The following DENND4B variants were observed in gnomAD, a reference collection of about 807,000 sequenced individuals.
DENND4B encodes the protein DENN domain containing 4B.
A neutral mutation model predicts 161.0 loss-of-function variants in DENND4B; 67 were observed. The ratio of observed to expected loss-of-function variants is 0.42; its 90% CI spans 0.34 to 0.51. The LOEUF is 0.51. Among genes scored for constraint, DENND4B ranks in the 20% least tolerant of loss-of-function variants. The pLI is 0.08. For synonymous variants in DENND4B, 753 were observed against 813.8 expected (o/e 0.93, Z 1.27); for missense variants, 1,481 against 1,968.0 (o/e 0.75, Z 4.68).
At chr1:153,931,959 A>G (rs1053240275) in intron 24 of DENND4B, among the ~76,000 whole-genome samples, 8 of 151,672 alleles carry the variant, frequency 5.3e-5, no homozygotes, top group African/African-American at 1.9e-4. Context: ...ATGCACCACC[A>G]AGCCTGGCTA....
Position 153,934,875 on chromosome 1 carries a change from C to G in DENND4B, c.2658G>C (p.Gln886His), listed in dbSNP as rs757802791. 6.2e-7 allele frequency: 1 copy of G among 1,613,608 alleles called. No homozygotes were observed. Among genetic ancestry groups the G allele is most frequent in the African/African-American group, 1.3e-5 (1 of 74,936 alleles). ...GCCGTTCTCTCAAGGGCTGGCGGAA[C>G]TGAGCAGCCCCCAGGACAACATTCC... ...KLRNVVLGAA[Q>H]FRQPLRERQQ... The change falls in exon 18 of 28, where the codon CAG (glutamine) becomes CAC (histidine). Residue 886 changes from glutamine (Q) to histidine (H), a missense_variant. Gln to His is a conservative substitution (Grantham distance 24, BLOSUM62 0). This residue lies in a region of DENND4B where 339 missense variants were observed against 330.3 expected (regional missense o/e 1.03). Transcript: ENST00000361217. This position sits in a 1 kb window ranked among gnomAD's most constrained non-coding sequence, Gnocchi z 5.3.
chr1:153,944,179 T>A lies in DENND4B; in HGVS notation c.196A>T (p.Thr66Ser). Reference sequence around the variant, plus strand: ...CCCCCAGCAGAAGCCTGGATGCATGTGTAGCCCTGGGGCACTTCCTCGCCC... The same window carrying A: ...CCCCCAGCAGAAGCCTGGATGCATGAGTAGCCCTGGGGCACTTCCTCGCCC... ...ALGEEVPQGY[T>S]CIQASAGGHP... The change falls in exon 2 of 28, where the codon ACA becomes TCA. Residue 66 changes from threonine (T) to serine (S), a missense_variant. Transcript: ENST00000361217. This position sits in a 1 kb window ranked among gnomAD's most constrained non-coding sequence, Gnocchi z 4.8. The A allele has an allele frequency of 6.2e-7, 1 of 1,612,898 alleles. No homozygotes were observed. Among genetic ancestry groups the A allele is most frequent in the Non-Finnish European group, 8.5e-7 (1 of 1,179,450 alleles).
Position 153,946,416 on chromosome 1 carries a change from C to T in DENND4B, c.-139G>A. 2.6e-6 allele frequency: 1 copy of T among 386,122 alleles called. No individual in the cohort carries two copies. Among genetic ancestry groups the T allele is most frequent in the Non-Finnish European group, 4.6e-6 (1 of 217,948 alleles). The allele number at this position is 386,122 out of a possible 1,614,324, so 23.9% of individuals were successfully genotyped here. ...AGACATGGCGCACCCGACTTGGGCG[C>T]CGCTCCCGCCCGGGCAGTGAGTGAA... On this transcript the variant is annotated 5_prime_UTR_variant, in exon 1 of 28. Transcript: ENST00000361217. This position sits in a 1 kb window ranked among gnomAD's most constrained non-coding sequence, Gnocchi z 6.3.
Position 153,934,002 on chromosome 1 carries a change from G to A in DENND4B, c.2942-131C>T, listed in dbSNP as rs1013389199. 4.5e-5 allele frequency: 67 copies of A among 1,482,636 alleles called. No homozygotes were observed. Among genetic ancestry groups the A allele is most frequent in the Middle Eastern group, 1.9e-4 (1 of 5,290 alleles). 91.8% of individuals were successfully genotyped at this position (1,482,636 alleles called of 1,614,324 possible). A position where few individuals can be genotyped will look rare whatever the true frequency, so the allele number is the denominator to read the frequency against. ...CCCCCACCATGATGATATTCTGGGCGAGATTCCCTCAGAATCTACAGCACC... is the reference window on the plus strand; with the variant it reads ...CCCCCACCATGATGATATTCTGGGCAAGATTCCCTCAGAATCTACAGCACC... On this transcript the variant is annotated intron_variant, in intron 19 of 27. Coordinates refer to ENST00000361217, the MANE Select transcript of DENND4B (RefSeq NM_014856.3). This position sits in a 1 kb window ranked among gnomAD's most constrained non-coding sequence, Gnocchi z 5.3.
Position 153,941,935 on chromosome 1 carries a change from A to C in DENND4B, c.989T>G (p.Phe330Cys). The change falls in exon 6 of 28, where the codon TTC becomes TGC. Residue 330 changes from phenylalanine (F) to cysteine (C), a missense_variant. Coordinates refer to ENST00000361217, the MANE Select transcript of DENND4B (RefSeq NM_014856.3). ...VLSRWPAFPAFRAFLTFLYRY... is the reference protein window; with the variant it reads ...VLSRWPAFPACRAFLTFLYRY... ...GTAAAGGAAGGTGAGGAAGGCGCGG[A>C]AGGCAGGGAAGGCAGGCCAGCGGGA... 6.2e-7 allele frequency: 1 copy of C among 1,612,348 alleles called. No individual in the cohort carries two copies. Among genetic ancestry groups the C allele is most frequent in the Admixed American group, 1.7e-5 (1 of 60,026 alleles).
rs1453179629 is a variant in DENND4B, at chr1:153,940,241, C to T, written c.1518G>A (p.Lys506=). The T allele has an allele frequency of 2.5e-6, 4 of 1,599,746 alleles. No homozygotes were observed. In the East Asian group the frequency reaches 6.7e-5, roughly 27 times the overall value. ...TNTLFQTEEK[K]LLSPRTLPRR... ...GGGGCAGGGTCCGAGGGGAGAGGAG[C>T]TTCTTTTCCTCAGTCCTGTGAGAAA... is the stretch of plus-strand genomic sequence containing the variant. Residue 506 remains lysine, a synonymous_variant, in exon 11 of 28, where the codon AAG becomes AAA. Transcript: ENST00000361217. The surrounding 1 kb of genome is among the most constrained non-coding windows in gnomAD (Gnocchi z 5.6).
Position 153,930,118 on chromosome 1 carries a change from G to T in DENND4B, c.*179C>A. The T allele has an allele frequency of 1.2e-6, 1 of 833,880 alleles. No individual in the cohort carries two copies. Among genetic ancestry groups the T allele is most frequent in the Non-Finnish European group, 1.8e-6 (1 of 551,684 alleles). The allele number at this position is 833,880 out of a possible 1,614,324, so 51.7% of individuals were successfully genotyped here. ...CAAACTGGGTAGGTTGGTGATGGGG[G>T]AATCAGGACTTTTGGTAACAGTGGA... On this transcript the variant is annotated 3_prime_UTR_variant, in exon 28 of 28. Transcript: ENST00000361217. The surrounding 1 kb of genome is among the most constrained non-coding windows in gnomAD (Gnocchi z 4.7).
chr1:153,939,580 C>T lies in DENND4B; in HGVS notation c.1819+9G>A. ...GATACATCTCCAAGCAGAGACAGGC[C>T]CTCTATACCCTGCAGGAAGAAAAGG... On this transcript the variant is annotated intron_variant, in intron 12 of 27. Transcript: ENST00000361217. The T allele has an allele frequency of 6.2e-7, 1 of 1,600,510 alleles. No homozygotes were observed. Among genetic ancestry groups the T allele is most frequent in the African/African-American group, 1.3e-5 (1 of 74,750 alleles).
In DENND4B at chr1:153,930,293, G is replaced by A; in HGVS notation, c.*4C>T. 3.1e-6 allele frequency: 5 copies of A among 1,612,734 alleles called. No homozygotes were observed. Among genetic ancestry groups the A allele is most frequent in the Non-Finnish European group, 3.4e-6 (4 of 1,178,908 alleles). ...CCTAGGCTGGAGAGGGAAGCTTAAG[G>A]TCTCTAGCATTCTGGAGGTGCTCCA... On this transcript the variant is annotated 3_prime_UTR_variant, in exon 28 of 28. Transcript: ENST00000361217. The surrounding 1 kb of genome is among the most constrained non-coding windows in gnomAD (Gnocchi z 4.7).
chr1:153,938,319 G>C (rs1446047019), intron 13 of DENND4B, among the ~76,000 whole-genome samples: 1 of 151,468 alleles, frequency 6.6e-6, no homozygotes, highest in Non-Finnish European at 1.5e-5. Context: ...TGAGGCAGGA[G>C]AATCACTTGA....
rs1399355096 is a variant in DENND4B at position 153,936,616 on chromosome 1, G to A, written c.2365C>T (p.Arg789Ter). The A allele has an allele frequency of 2.5e-6, 4 of 1,612,970 alleles. No individual in the cohort carries two copies. Among genetic ancestry groups the A allele is most frequent in the Admixed American group, 1.7e-5 (1 of 59,900 alleles). The change falls in exon 16 of 28, where the codon CGA (arginine) becomes TGA (stop). Residue 789 changes from arginine (R) to a stop codon, truncating the protein, a stop_gained. Transcript: ENST00000361217. LOFTEE classifies it high-confidence loss of function. The surrounding 1 kb of genome is among the most constrained non-coding windows in gnomAD (Gnocchi z 4.1). Reference protein sequence around the residue: ...LPAYVRSAPSRVQALHTAYHV... With the variant: ...LPAYVRSAPS ...TAGGCTGTGTGCAGTGCCTGCACTC[G>A]GGAGGGTGCCGACCGCACATAGGCA...
In DENND4B at chr1:153,942,047, G is replaced by A. The variant is rs750388751; in HGVS notation, c.877C>T (p.Arg293Trp). The change falls in exon 6 of 28, where the codon CGG becomes TGG. Residue 293 changes from arginine to tryptophan, a missense_variant. This residue lies in a region of DENND4B where 806 missense variants were observed against 1,134.4 expected (regional missense o/e 0.71). Transcript: ENST00000361217. This position sits in a 1 kb window ranked among gnomAD's most constrained non-coding sequence, Gnocchi z 6.9. ...PRARLSERQA[R>W]ALGLLSAVER... ...ACGGCGCTCAGCAGGCCCAGTGCCC[G>A]TGCCTGTCGCTCTGATAGCCTGGCC... 27 of 1,611,500 alleles carry A rather than the reference G, an allele frequency of 1.7e-5. No homozygotes were observed. The highest frequency in any genetic ancestry group is 2.1e-5 in the Non-Finnish European group (25 of 1,178,950).
In DENND4B at chr1:153,943,216, C is replaced by T. The variant is rs994609142; in HGVS notation, c.318-86G>A. On this transcript the variant is annotated intron_variant, in intron 2 of 27. Coordinates refer to ENST00000361217, the MANE Select transcript of DENND4B (RefSeq NM_014856.3). ...CTGCCAGATCTGCCTATCTAATCCC[C>T]TGAACTTGCCTTGTACCCACAGCCT... 2.0e-6 allele frequency: 3 copies of T among 1,521,724 alleles called. No individual in the cohort carries two copies. The Admixed American group carries it at 6.0e-5, about 30-fold the overall frequency. 94.3% of individuals were successfully genotyped at this position (1,521,724 alleles called of 1,614,324 possible). A position where few individuals can be genotyped will look rare whatever the true frequency, so the allele number is the denominator to read the frequency against.
chr1:153,939,812 C>A lies in DENND4B; in HGVS notation c.1604-8G>T. ...CCTCAGGTCCAGTGTATGCTGGAGGCCAGGGCAGCCTAAGAGTCAGGGCTG... is the reference window on the plus strand; with the variant it reads ...CCTCAGGTCCAGTGTATGCTGGAGGACAGGGCAGCCTAAGAGTCAGGGCTG... On this transcript the variant is annotated splice_region_variant and splice_polypyrimidine_tract_variant and intron_variant, in intron 11 of 27. Transcript: ENST00000361217. 1.2e-6 allele frequency: 2 copies of A among 1,612,742 alleles called. No individual in the cohort carries two copies. Among genetic ancestry groups the A allele is most frequent in the South Asian group, 1.1e-5 (1 of 91,042 alleles).
chr1:153,937,968 G>T lies in DENND4B; in HGVS notation c.1966-105C>A. ...CCAGGAAAGCTCATCCACAAGGAAA[G>T]AGACACAGCCTGGGAAGATGGCGTC... On this transcript the variant is annotated intron_variant, in intron 13 of 27. Transcript: ENST00000361217. This position sits in a 1 kb window ranked among gnomAD's most constrained non-coding sequence, Gnocchi z 4.7. 1.3e-6 allele frequency: 2 copies of T among 1,519,688 alleles called. No individual in the cohort carries two copies. The highest frequency in any genetic ancestry group is 1.8e-6 in the Non-Finnish European group (2 of 1,111,440). The allele number at this position is 1,519,688 out of a possible 1,614,324, so 94.1% of individuals were successfully genotyped here.
At position 153,937,531 on chromosome 1, in the gene DENND4B, G is replaced by A. The variant is rs776102901; in HGVS notation, c.2189C>T (p.Ser730Phe). 6.2e-7 allele frequency: 1 copy of A among 1,604,558 alleles called. No homozygotes were observed. Among genetic ancestry groups the A allele is most frequent in the South Asian group, 1.1e-5 (1 of 90,318 alleles). The change falls in exon 15 of 28, where the codon TCC becomes TTC. Residue 730 changes from serine (S) to phenylalanine (F), a missense_variant. Physicochemically the swap from Ser to Phe is radical, Grantham distance 155. Around this residue, in one of 3 missense-constraint regions of DENND4B, gnomAD observed 806 missense variants for 1,134.4 expected, o/e 0.71. Transcript: ENST00000361217. This position sits in a 1 kb window ranked among gnomAD's most constrained non-coding sequence, Gnocchi z 4.7. ...AGCAGGACTGCTGGGGGCGCTACGG[G>A]AAGGGCCTGGCACAGGCAGGGCCCC... ...QPGALPVPGPSRSAPSSPAPR... is the reference protein window; with the variant it reads ...QPGALPVPGPFRSAPSSPAPR...
rs781672707 is a variant in DENND4B at position 153,941,211 on chromosome 1, C to T, written c.1181+20G>A. On this transcript the variant is annotated intron_variant, in intron 8 of 27. Transcript: ENST00000361217. ...GTCCTTGGTCATTAAAGCTCCCCTC[C>T]CCACAATCTGATCACATACCTGAGG... The T allele has an allele frequency of 1.9e-6, 3 of 1,613,388 alleles. No individual in the cohort carries two copies. Among genetic ancestry groups the T allele is most frequent in the East Asian group, 4.5e-5 (2 of 44,884 alleles).
In DENND4B at chr1:153,946,014, C is replaced by T. The variant is rs1459858664; in HGVS notation, c.-24+287G>A. Among the ~76,000 whole-genome samples the T allele has an allele frequency of 6.6e-6, 1 of 152,144 alleles. No individual in the cohort carries two copies. The highest frequency in any genetic ancestry group is 6.5e-5 in the Admixed American group (1 of 15,274). On this transcript the variant is annotated intron_variant, in intron 1 of 27. Transcript: ENST00000361217. The surrounding 1 kb of genome is among the most constrained non-coding windows in gnomAD (Gnocchi z 6.3). ...GCAGAGAAGCAGGCGCGCCGGCGGC[C>T]GAGGACGTGACGGCAGCAGCGCCGG... is the stretch of plus-strand genomic sequence containing the variant.
At chr1:153,939,321 G>T (rs1259031744) in intron 12 of DENND4B, among the ~76,000 whole-genome samples, 1 of 152,030 alleles carries the variant, frequency 6.6e-6, no homozygotes, top group Non-Finnish European at 1.5e-5. Context: ...CTTTGCCCGT[G>T]GGGGCTGCTC....
Sources: allele counts gnomAD v4.1 joint callset (sites outside exome capture counted in the v4.1 genomes callset), GRCh38; gene constraint gnomAD v4.1.1; regional missense constraint gnomAD v4.1.1; non-coding constraint Gnocchi (gnomAD v3.1); transcripts MANE v1.5; gene names NCBI Gene and HGNC (gene_info 2026-07-23, HGNC 2026-07-21).